Variants in ADIPOR2 observed in about 807,000 individuals in gnomAD.
ADIPOR2 encodes the protein adiponectin receptor 2.
In ADIPOR2, 18 loss-of-function variants were observed where a neutral mutation model predicts 40.9. The observed-to-expected ratio is 0.44, with a 90% CI of 0.30 to 0.65. The LOEUF (loss-of-function observed/expected upper bound fraction) is 0.65, where lower values mean the gene tolerates loss of function less well. ADIPOR2 is among the 30% of genes least tolerant of loss of function. The pLI is 0.09. For synonymous variants in ADIPOR2, 165 were observed against 166.4 expected, an observed-to-expected ratio of 0.99 and a Z score of 0.06; for missense variants, 283 against 479.2, an observed-to-expected ratio of 0.59 and a Z score of 3.82.
chr12:1,720,861 C>T lies in ADIPOR2; in HGVS notation c.-87+29670C>T, dbSNP rs552902106. ...AAGTCAAGTGGGGAACTGCTTAGGG[C>T]TAACCTGCCTTCCATTCTATTCAAA... On this transcript the variant is annotated intron_variant, in intron 1 of 7. Transcript: ENST00000357103. Among the ~76,000 whole-genome samples the T allele has an allele frequency of 1.1e-3, 166 of 152,296 alleles. 1 individual carries two copies. The highest frequency in any genetic ancestry group is 3.9e-3 in the African/African-American group (161 of 41,560).
intron 6 of ADIPOR2, among the ~76,000 whole-genome samples, chr12:1,781,595 G>A (rs1387615405): frequency 1.3e-5 from 2 of 152,094 alleles, no homozygotes; most frequent in East Asian, 3.9e-4. Context: ...TTATATTTAG[G>A]ATAATGCCTG....
intron 3 of ADIPOR2, among the ~76,000 whole-genome samples, chr12:1,776,716 G>T (rs1293144784): frequency 6.6e-6 from 1 of 152,178 alleles, no homozygotes; most frequent in Non-Finnish European, 1.5e-5. Flanking sequence ...GGCTCTGAGG[G>T]ACTGAAAGGG....
At chr12:1,768,858 G>A (rs1157541487) in intron 2 of ADIPOR2, among the ~76,000 whole-genome samples, 2 of 152,166 alleles carry the variant, frequency 1.3e-5, no homozygotes, top group African/African-American at 4.8e-5. Context: ...ATGTCTTTGT[G>A]CTCATTTCAA....
chr12:1,782,976 CT>C (rs71055199), intron 6 of ADIPOR2, among the ~76,000 whole-genome samples: 648 of 109,524 alleles, frequency 5.9e-3, no homozygotes, highest in Non-Finnish European at 8.3e-3. Flanking sequence ...TTCTTTCTTT[CT>C]TTTTTTTTTT....
chr12:1,739,225 TG>T (rs966820520), intron 1 of ADIPOR2, among the ~76,000 whole-genome samples: 5 of 152,320 alleles, frequency 3.3e-5, no homozygotes, highest in African/African-American at 1.2e-4. Flanking sequence ...TTTATGTCTT[TG>T]CGTGTAGTCT....
intron 1 of ADIPOR2, among the ~76,000 whole-genome samples, chr12:1,728,961 T>C (rs1033682836): frequency 4.1e-5 from 3 of 72,792 alleles, no homozygotes; most frequent in African/African-American, 1.4e-4. Flanking sequence ...CTGGACTGTT[T>C]TTTTTTTTTT....
intron 1 of ADIPOR2, among the ~76,000 whole-genome samples, chr12:1,750,925 T>G (rs1483119010): frequency 2.0e-5 from 3 of 152,222 alleles, no homozygotes; most frequent in African/African-American, 7.2e-5. Context: ...TATACTCATT[T>G]TTTTCCCTCA....
chr12:1,745,466 A>T (rs1592606003), intron 1 of ADIPOR2, among the ~76,000 whole-genome samples: 1 of 152,270 alleles, frequency 6.6e-6, no homozygotes, highest in Non-Finnish European at 1.5e-5. Flanking sequence ...ATGAATTTAT[A>T]TGTCTATGGT....
At chr12:1,738,986 ATTTCT>A (rs1377353875) in intron 1 of ADIPOR2, among the ~76,000 whole-genome samples, 1 of 152,124 alleles carries the variant, frequency 6.6e-6, no homozygotes, top group East Asian at 1.9e-4. Context: ...ATTCAGCAAA[ATTTCT>A]TTTGTGATAA....
At chr12:1,765,634 C>G (rs1057035788) in intron 2 of ADIPOR2, among the ~76,000 whole-genome samples, 5 of 152,168 alleles carry the variant, frequency 3.3e-5, no homozygotes, top group Admixed American at 1.3e-4. Flanking sequence ...ATAAACACAT[C>G]TTGAAGTTAT....
At chr12:1,744,477 A>C (rs772214447) in intron 1 of ADIPOR2, among the ~76,000 whole-genome samples, 4 of 151,902 alleles carry the variant, frequency 2.6e-5, no homozygotes, top group Admixed American at 6.6e-5. Context: ...TTGGAACTAT[A>C]GGCGCGTACC....
At chr12:1,782,223 A>C (rs1464096284) in intron 6 of ADIPOR2, among the ~76,000 whole-genome samples, 1 of 152,236 alleles carries the variant, frequency 6.6e-6, no homozygotes, top group African/African-American at 2.4e-5. Context: ...TGAGAGCAGC[A>C]TTGCCATTTT....
At chr12:1,716,225 C>G (rs910214364) in intron 1 of ADIPOR2, among the ~76,000 whole-genome samples, 1 of 152,168 alleles carries the variant, frequency 6.6e-6, no homozygotes, top group African/African-American at 2.4e-5. Flanking sequence ...ATGTGGTGGT[C>G]TCTGAGAGCA....
chr12:1,727,150 T>C (rs1469323047), intron 1 of ADIPOR2, among the ~76,000 whole-genome samples: 1 of 152,242 alleles, frequency 6.6e-6, no homozygotes, highest in Non-Finnish European at 1.5e-5. Flanking sequence ...AAATGTTAAC[T>C]CCTGTAAAAC....
At chr12:1,770,563 T>C (rs1323969258) in intron 2 of ADIPOR2, among the ~76,000 whole-genome samples, 2 of 152,342 alleles carry the variant, frequency 1.3e-5, no homozygotes, top group African/African-American at 4.8e-5. Flanking sequence ...TCATTTTAAT[T>C]TCGTGTTTAA....
chr12:1,728,617 C>T (rs755401441), intron 1 of ADIPOR2, among the ~76,000 whole-genome samples: 8 of 151,422 alleles, frequency 5.3e-5, no homozygotes, highest in South Asian at 2.1e-4. Context: ...CCAGCTACTC[C>T]GGAGGCTGAA....
intron 1 of ADIPOR2, among the ~76,000 whole-genome samples, chr12:1,694,053 A>G (rs905311002): frequency 4.6e-5 from 7 of 152,210 alleles, no homozygotes; most frequent in African/African-American, 1.7e-4. Context: ...GTACTAGACA[A>G]TTTCCACTAC....
intron 1 of ADIPOR2, among the ~76,000 whole-genome samples, chr12:1,750,903 T>C (rs1009959507): frequency 1.3e-5 from 2 of 152,060 alleles, no homozygotes; most frequent in Admixed American, 6.6e-5. Context: ...TACCTTTTTT[T>C]CCCCCAATTT....
chr12:1,711,435 T>C (rs1392583679), intron 1 of ADIPOR2, among the ~76,000 whole-genome samples: 2 of 152,026 alleles, frequency 1.3e-5, no homozygotes, highest in African/African-American at 4.8e-5. Context: ...TGTTGGGACT[T>C]AGGAAGACTA....
Sources: gnomAD v4.1 joint callset for allele counts (sites outside exome capture counted in the v4.1 genomes callset) on GRCh38, gnomAD v4.1.1 for gene constraint, MANE v1.5 for transcripts, NCBI Gene and HGNC (gene_info 2026-07-23, HGNC 2026-07-21) for gene names.